The following ST3GAL3 variants were observed in gnomAD, a reference collection of about 807,000 sequenced individuals.
ST3GAL3 encodes the protein CMP-N-acetylneuraminate-beta-1,4-galactoside alpha-2,3-sialyltransferase.
Under a neutral mutation model 50.1 loss-of-function variants are expected in ST3GAL3, and 21 were observed. That is an observed-to-expected ratio of 0.42 (90% confidence interval 0.30 to 0.60). The LOEUF (loss-of-function observed/expected upper bound fraction) is 0.60. Ranked by LOEUF, ST3GAL3 falls within the 20% of genes least tolerant of loss-of-function variation. ST3GAL3 has a pLI of 0.19. For missense variants in ST3GAL3, 353 were observed against 489.4 expected (o/e 0.72, Z 2.63); for synonymous variants, 183 against 190.0 (o/e 0.96, Z 0.30).
At chr1:43,754,447 C>T (rs773419055) in intron 2 of ST3GAL3, among the ~76,000 whole-genome samples, 3 of 152,194 alleles carry the variant, frequency 2.0e-5, no homozygotes, top group South Asian at 4.1e-4. Context: ...CCACCTCAGC[C>T]TCCCAAAGTG....
intron 2 of ST3GAL3, among the ~76,000 whole-genome samples, chr1:43,765,763 G>C (rs951831848): frequency 7.1e-6 from 1 of 140,896 alleles, no homozygotes; most frequent in Non-Finnish European, 1.5e-5. Flanking sequence ...CTGTGTGTGT[G>C]TGTGTGTGTG....
rs560998708 is a variant in ST3GAL3 at position 43,897,761 on chromosome 1, G to A, written c.398-474G>A. Among the ~76,000 whole-genome samples the A allele has an allele frequency of 5.9e-5, 9 of 152,320 alleles. No individual in the cohort carries two copies. The South Asian group carries it at 1.2e-3, about 21-fold the overall frequency. ...AAGGTGATGTCAGATAATGAGGCAC[G>A]TGGTGAGCTCTTCAGTTGCTGGGTG... On this transcript the variant is annotated intron_variant, in intron 6 of 11. Transcript: ENST00000347631.
At chr1:43,773,686 A>G (rs1289829150) in intron 2 of ST3GAL3, among the ~76,000 whole-genome samples, 1 of 152,224 alleles carries the variant, frequency 6.6e-6, no homozygotes, top group Non-Finnish European at 1.5e-5. Flanking sequence ...CTGAAAAAAC[A>G]AAGTTTTTCT....
At chr1:43,743,367 G>T in intron 2 of ST3GAL3, 1 of 215,478 alleles carries the variant, frequency 4.6e-6, no homozygotes. Flanking sequence ...CTGCTGATGA[G>T]CTCATTTGGT....
chr1:43,872,517 G>A (rs933449390), intron 5 of ST3GAL3, among the ~76,000 whole-genome samples: 11 of 151,966 alleles, frequency 7.2e-5, no homozygotes, highest in Admixed American at 5.9e-4. Context: ...GAAGGAAACT[G>A]ACAGTCATTG....
At chr1:43,722,599 A>C (rs897472187) in intron 1 of ST3GAL3, among the ~76,000 whole-genome samples, 2 of 152,158 alleles carry the variant, frequency 1.3e-5, no homozygotes, top group African/African-American at 4.8e-5. Context: ...TGGTGACTTG[A>C]ATTAGGATGG....
intron 5 of ST3GAL3, among the ~76,000 whole-genome samples, chr1:43,856,200 T>C (rs1448635939): frequency 6.6e-6 from 1 of 152,260 alleles, no homozygotes; most frequent in Non-Finnish European, 1.5e-5. Context: ...AATGCATGTA[T>C]ACAAAAAGGA....
chr1:43,875,016 A>G (rs1305726710), intron 5 of ST3GAL3, among the ~76,000 whole-genome samples: 1 of 152,210 alleles, frequency 6.6e-6, no homozygotes, highest in Non-Finnish European at 1.5e-5. Context: ...CTGTGTAGGT[A>G]CATCCCCAGA....
chr1:43,907,780 C>A (rs1401843146), intron 9 of ST3GAL3, among the ~76,000 whole-genome samples: 2 of 152,190 alleles, frequency 1.3e-5, no homozygotes, highest in Non-Finnish European at 2.9e-5. Context: ...GTCCTCCTCT[C>A]ACATCTATGA....
At chr1:43,826,387 A>T (rs1159445529) in intron 4 of ST3GAL3, among the ~76,000 whole-genome samples, 1 of 152,220 alleles carries the variant, frequency 6.6e-6, no homozygotes, top group African/African-American at 2.4e-5. Flanking sequence ...GGAGAAAAAG[A>T]CCATCTGAAT....
chr1:43,911,586 T>C (rs901610607), intron 9 of ST3GAL3, among the ~76,000 whole-genome samples: 8 of 151,004 alleles, frequency 5.3e-5, no homozygotes, highest in African/African-American at 2.0e-4. Context: ...TAGATATCTA[T>C]AGATATATCT....
intron 5 of ST3GAL3, among the ~76,000 whole-genome samples, chr1:43,859,087 G>A (rs764220362): frequency 2.6e-5 from 4 of 152,232 alleles, no homozygotes; most frequent in Non-Finnish European, 5.9e-5. Flanking sequence ...CCCAGAGTGT[G>A]GATGAGATTG....
At chr1:43,795,668 C>A (rs2058606391) in intron 3 of ST3GAL3, among the ~76,000 whole-genome samples, 1 of 152,148 alleles carries the variant, frequency 6.6e-6, no homozygotes, top group East Asian at 1.9e-4. Flanking sequence ...ATTTGACTTT[C>A]TTTCTGTTAG....
chr1:43,740,952 G>GGAAGGAAA (rs1282725909), intron 2 of ST3GAL3, among the ~76,000 whole-genome samples: 3 of 151,292 alleles, frequency 2.0e-5, no homozygotes, highest in African/African-American at 7.3e-5. Flanking sequence ...GAGGAAGGAA[G>GGAAGGAAA]GAAGGAAAGA....
intron 2 of ST3GAL3, among the ~76,000 whole-genome samples, chr1:43,760,628 C>T (rs1367169336): frequency 1.3e-5 from 2 of 152,106 alleles, no homozygotes; most frequent in Admixed American, 1.3e-4. Flanking sequence ...TGGTGGTAGG[C>T]ACCTGTAGTC....
At chr1:43,804,799 G>A (rs1456653955) in intron 3 of ST3GAL3, among the ~76,000 whole-genome samples, 1 of 152,176 alleles carries the variant, frequency 6.6e-6, no homozygotes, top group Non-Finnish European at 1.5e-5. Flanking sequence ...CACTGCAGTC[G>A]AAGATGGCAG....
intron 7 of ST3GAL3, among the ~76,000 whole-genome samples, chr1:43,898,728 G>T (rs1198435259): frequency 6.6e-6 from 1 of 152,132 alleles, no homozygotes; most frequent in East Asian, 1.9e-4. Flanking sequence ...TCTAGTGGCT[G>T]CTGGGAGCCT....
chr1:43,891,827 C>A (rs1205132264), intron 5 of ST3GAL3, among the ~76,000 whole-genome samples: 2 of 152,214 alleles, frequency 1.3e-5, no homozygotes, highest in Admixed American at 1.3e-4. Context: ...TATAGAAGTA[C>A]TGTAGCATCT....
At chr1:43,755,438 C>T (rs752535403) in intron 2 of ST3GAL3, among the ~76,000 whole-genome samples, 49 of 152,214 alleles carry the variant, frequency 3.2e-4, no homozygotes, top group Non-Finnish European at 5.4e-4. Context: ...CTGGAGAGCA[C>T]GCTAGCAATA....
Sources: allele counts gnomAD v4.1 joint callset (sites outside exome capture counted in the v4.1 genomes callset), GRCh38; gene constraint gnomAD v4.1.1; transcripts MANE v1.5; gene names NCBI Gene and HGNC (gene_info 2026-07-23, HGNC 2026-07-21).